Variants in NUCB2 observed in about 807,000 individuals in gnomAD.
NUCB2 encodes nucleobindin 2, also known as nucleobindin-2.
A neutral mutation model predicts 57.9 loss-of-function variants in NUCB2; 48 were observed. The ratio of observed to expected loss-of-function variants is 0.83; its 90% confidence interval spans 0.66 to 1.05. The LOEUF is 1.05. Ranked by LOEUF, NUCB2 falls within the 50% of genes least tolerant of loss-of-function variation. NUCB2 has a pLI of 0.00. For synonymous variants in NUCB2, 139 were observed against 152.1 expected, an observed-to-expected ratio of 0.91 and a Z score of 0.64; for missense variants, 442 against 476.2, an observed-to-expected ratio of 0.93 and a Z score of 0.67.
chr11:17,302,738 AT>A (rs374768656), intron 5 of NUCB2, among the ~76,000 whole-genome samples: 72,028 of 137,424 alleles, frequency 0.52, 18,986 homozygotes, highest in East Asian at 0.81. Flanking sequence ...TGCCCTGCTA[AT>A]TTTTTTTTTT....
At chr11:17,348,253 A>C (rs1368341794) in intron 2 of NUCB2, among the ~76,000 whole-genome samples, 2 of 148,530 alleles carry the variant, frequency 1.3e-5, no homozygotes, top group Non-Finnish European at 3.0e-5. Context: ...ACTTTTAAAG[A>C]GTCCTTCAGC....
intron 11 of NUCB2, among the ~76,000 whole-genome samples, chr11:17,322,612 C>A (rs1950164652): frequency 6.6e-6 from 1 of 152,066 alleles, no homozygotes; most frequent in South Asian, 2.1e-4. Context: ...TTATCTATTT[C>A]TGTGAAAAAT....
downstream of NUCB2, chr11:17,332,385 A>C (rs1287259431): frequency 2.6e-5 from 4 of 151,722 alleles, no homozygotes; most frequent in Admixed American, 2.6e-4. Context: ...TGACCAGCTA[A>C]AAGTTGGATT....
chr11:17,327,424 C>T (rs1049551007), intron 11 of NUCB2, among the ~76,000 whole-genome samples: 26 of 152,126 alleles, frequency 1.7e-4, no homozygotes, highest in Admixed American at 1.6e-3. Context: ...GGTAGTCTGA[C>T]GTGAGTTAAA....
chr11:17,325,331 C>G (rs996831570), intron 11 of NUCB2, among the ~76,000 whole-genome samples: 1 of 152,160 alleles, frequency 6.6e-6, no homozygotes, highest in Non-Finnish European at 1.5e-5. Context: ...TTGTCTTTAG[C>G]TCTAATAATA....
At chr11:17,334,882 T>G (rs896039764), downstream of NUCB2, among the ~76,000 whole-genome samples, 1 of 126,344 alleles carries the variant, frequency 7.9e-6, no homozygotes, top group Non-Finnish European at 1.7e-5. Context: ...CAAGGCTCTA[T>G]CTCAAAAAAA....
chr11:17,345,593 G>C (rs894766113), intron 2 of NUCB2, among the ~76,000 whole-genome samples: 2 of 152,044 alleles, frequency 1.3e-5, no homozygotes, highest in Admixed American at 1.3e-4. Context: ...TGTAATCCCA[G>C]CTACTCAGGA....
chr11:17,314,287 G>A (rs1227359909), intron 10 of NUCB2, among the ~76,000 whole-genome samples: 1 of 152,102 alleles, frequency 6.6e-6, no homozygotes, highest in Non-Finnish European at 1.5e-5. Flanking sequence ...CCCCACTGCA[G>A]ACACTTCTTC....
rs12279903 is a variant in NUCB2 at position 17,327,045 on chromosome 11, G to A, written c.1003-3082G>A. ...AAATATTTCATATCAGTCTCTCTTG[G>A]CCTATAAGATTTCCACTGAAAAATC... On this transcript the variant is annotated intron_variant, in intron 11 of 13. Coordinates refer to ENST00000529010, the MANE Select transcript of NUCB2 (RefSeq NM_005013.4). 6.9e-3 allele frequency among the ~76,000 whole-genome samples: 1,053 copies of A among 151,998 alleles called. 13 individuals carry two copies. Among genetic ancestry groups the A allele is most frequent in the African/African-American group, 0.024 (1,008 of 41,468 alleles).
chr11:17,294,895 A>G (rs1945562689), intron 2 of NUCB2, among the ~76,000 whole-genome samples: 1 of 152,034 alleles, frequency 6.6e-6, no homozygotes, highest in South Asian at 2.1e-4. Flanking sequence ...CTAAAAATAC[A>G]AAATTAGCCA....
At chr11:17,298,100 AAAG>A (rs1946125014) in intron 4 of NUCB2, among the ~76,000 whole-genome samples, 1 of 151,534 alleles carries the variant, frequency 6.6e-6, no homozygotes, top group South Asian at 2.1e-4. Flanking sequence ...AAAAAAAAAA[AAAG>A]GGGGGCCGGG....
chr11:17,318,262 C>T (rs1027185500), intron 11 of NUCB2, among the ~76,000 whole-genome samples: 2 of 151,856 alleles, frequency 1.3e-5, no homozygotes, highest in Non-Finnish European at 2.9e-5. Flanking sequence ...AGCAATCTGC[C>T]TGCCTTGGCC....
chr11:17,328,343 G>A (rs1229164736), intron 11 of NUCB2, among the ~76,000 whole-genome samples: 1 of 152,228 alleles, frequency 6.6e-6, no homozygotes, highest in Non-Finnish European at 1.5e-5. Context: ...CAAGCCTGAA[G>A]CCAACATGGC....
chr11:17,277,749 A>G (rs1011239062), intron 1 of NUCB2, among the ~76,000 whole-genome samples: 6 of 152,192 alleles, frequency 3.9e-5, no homozygotes, highest in African/African-American at 1.4e-4. Flanking sequence ...TTAAATGCAA[A>G]TATTTCTGAT....
intron 10 of NUCB2, among the ~76,000 whole-genome samples, chr11:17,312,480 T>C (rs1028758483): frequency 1.3e-5 from 2 of 151,830 alleles, no homozygotes; most frequent in Non-Finnish European, 2.9e-5. Flanking sequence ...CTCGGCTCAC[T>C]GCAACCTCCG....
intron 2 of NUCB2, among the ~76,000 whole-genome samples, chr11:17,343,012 A>G (rs1229214620): frequency 2.0e-5 from 3 of 151,962 alleles, no homozygotes; most frequent in South Asian, 2.1e-4. Context: ...TTGGGTGCAT[A>G]TATATTTAGG....
At chr11:17,284,355 A>AC (rs1683724841) in intron 2 of NUCB2, among the ~76,000 whole-genome samples, 1 of 152,076 alleles carries the variant, frequency 6.6e-6, no homozygotes, top group African/African-American at 2.4e-5. Context: ...ATATAAATAT[A>AC]CCCTATACTT....
At chr11:17,297,508 T>C (rs1946020691) in intron 4 of NUCB2, among the ~76,000 whole-genome samples, 2 of 152,316 alleles carry the variant, frequency 1.3e-5, no homozygotes, top group Non-Finnish European at 2.9e-5. Context: ...CTACTCTTCT[T>C]CTGAAGGATT....
intron 6 of NUCB2, among the ~76,000 whole-genome samples, chr11:17,310,131 T>C (rs1265324222): frequency 6.6e-6 from 1 of 152,170 alleles, no homozygotes; most frequent in Non-Finnish European, 1.5e-5. Context: ...ACATTATGTG[T>C]GAATGGAACT....
Sources: gnomAD v4.1 joint callset for allele counts (sites outside exome capture counted in the v4.1 genomes callset) on GRCh38, gnomAD v4.1.1 for gene constraint, MANE v1.5 for transcripts, NCBI Gene and HGNC (gene_info 2026-07-23, HGNC 2026-07-21) for gene names.